AMMECR1: variants seen among roughly 807,000 people sequenced by gnomAD.
AMMECR1 encodes the protein AMMECR nuclear protein 1, also known as nuclear protein AMMECR1.
Under a neutral mutation model 22.5 loss-of-function variants are expected in AMMECR1, and 3 were observed. The ratio of observed to expected loss-of-function variants is 0.13; its 90% CI spans 0.06 to 0.35. AMMECR1 has a LOEUF of 0.35. Among genes scored for constraint, AMMECR1 ranks in the 10% least tolerant of loss-of-function variants. The pLI is 1.00. For missense variants in AMMECR1, 235 were observed against 278.7 expected (o/e 0.84, Z 1.12); for synonymous variants, 130 against 116.7 (o/e 1.11, Z -0.74).
chrX:110,367,290 G>A (rs955347522), intron 2 of AMMECR1, among the ~76,000 whole-genome samples: 1 of 111,781 alleles, frequency 8.9e-6, no homozygotes, highest in Non-Finnish European at 1.9e-5. Flanking sequence ...TCTGGAATGA[G>A]TTGTCTCTGC....
At chrX:110,332,130 A>G (rs1569408902) in intron 2 of AMMECR1, among the ~76,000 whole-genome samples, 2 of 111,445 alleles carry the variant, frequency 1.8e-5, no homozygotes, top group Non-Finnish European at 3.8e-5. Context: ...ACTACCATAT[A>G]ATGTTTCTTG....
intron 2 of AMMECR1, among the ~76,000 whole-genome samples, chrX:110,420,850 G>A (rs2068712224): frequency 9.0e-6 from 1 of 111,254 alleles, no homozygotes; most frequent in Non-Finnish European, 1.9e-5. Context: ...TGGCTCGGGA[G>A]GCAGGTTTCC....
intron 1 of AMMECR1, among the ~76,000 whole-genome samples, chrX:110,269,580 T>C (rs1022801562): frequency 9.0e-6 from 1 of 111,093 alleles, no homozygotes; most frequent in African/African-American, 3.3e-5. Flanking sequence ...TCTGTTCTTC[T>C]GCCATCAAAT....
At chrX:110,374,983 C>T in intron 2 of AMMECR1, among the ~76,000 whole-genome samples, 1 of 111,303 alleles carries the variant, frequency 9.0e-6, no homozygotes, top group Non-Finnish European at 1.9e-5. Context: ...CAATGAAAGG[C>T]TAACTAACCC....
At chrX:110,362,912 A>G (rs190286625) in intron 2 of AMMECR1, among the ~76,000 whole-genome samples, 16 of 112,145 alleles carry the variant, frequency 1.4e-4, no homozygotes, top group African/African-American at 4.5e-4. Context: ...CCTAAGTGAT[A>G]TATACTATCA....
intron 2 of AMMECR1, among the ~76,000 whole-genome samples, chrX:110,368,075 A>C (rs1251241975): frequency 9.4e-6 from 1 of 106,871 alleles, no homozygotes; most frequent in Non-Finnish European, 1.9e-5. Flanking sequence ...TTCTGGCCTA[A>C]AGTTATTTTC....
chrX:110,221,981 C>A (rs1268020184), intron 2 of AMMECR1, among the ~76,000 whole-genome samples: 1 of 109,554 alleles, frequency 9.1e-6, no homozygotes, highest in African/African-American at 3.3e-5. Flanking sequence ...AATAGGAACC[C>A]TTTTACACTG....
chrX:110,337,192 A>T (rs187100032), intron 2 of AMMECR1, among the ~76,000 whole-genome samples: 1 of 110,936 alleles, frequency 9.0e-6, no homozygotes, highest in African/African-American at 3.3e-5. Context: ...AGAGATGGGT[A>T]CTCTAGGACC....
intron 2 of AMMECR1, among the ~76,000 whole-genome samples, chrX:110,357,243 G>A (rs770226992): frequency 1.3e-4 from 15 of 112,170 alleles, no homozygotes; most frequent in African/African-American, 4.8e-4. Flanking sequence ...CCAAAGTAAC[G>A]TAGGTGTATC....
chrX:110,366,877 C>T (rs1407672648), intron 2 of AMMECR1, among the ~76,000 whole-genome samples: 1 of 112,160 alleles, frequency 8.9e-6, no homozygotes, highest in East Asian at 2.8e-4. Context: ...TCCATTCATT[C>T]TTGAATGCTC....
intron 2 of AMMECR1, among the ~76,000 whole-genome samples, chrX:110,396,202 C>G (rs1477479096): frequency 1.8e-5 from 2 of 110,166 alleles, no homozygotes; most frequent in Non-Finnish European, 3.8e-5. Context: ...TGGTCTGACT[C>G]TAAAATACAT....
At chrX:110,250,472 G>A (rs1350948180) in intron 2 of AMMECR1, among the ~76,000 whole-genome samples, 1 of 111,912 alleles carries the variant, frequency 8.9e-6, no homozygotes, top group Non-Finnish European at 1.9e-5. Flanking sequence ...GTATGGGTGG[G>A]TGGATGAGAC....
chrX:110,204,885 C>A (rs753736513), intron 3 of AMMECR1, among the ~76,000 whole-genome samples: 10 of 111,395 alleles, frequency 9.0e-5, no homozygotes, highest in East Asian at 2.8e-4. Flanking sequence ...AAGAAAAAAA[C>A]CCCAAATTCT....
At position 110,318,048 on chromosome X, in the gene AMMECR1, C is replaced by T. The variant is rs1214801036; in HGVS notation, c.24G>A (p.Val8=). ...GCGAACTGGACAGTTTCTGCTTCTT[C>T]ACCCCGCAGCAACCCGCCGCCATCT... MAAGCCG[V]KKQKLSSSPP... Residue 8 remains valine (V), a synonymous_variant, in exon 1 of 6, where the codon GTG becomes GTA. Transcript: ENST00000262844. 2 of 1,203,019 alleles carry T rather than the reference C, an allele frequency of 1.7e-6. No homozygotes were observed.
At chrX:110,292,726 G>A (rs1051554520) in intron 1 of AMMECR1, among the ~76,000 whole-genome samples, 2 of 112,065 alleles carry the variant, frequency 1.8e-5, no homozygotes, top group Non-Finnish European at 1.9e-5. Flanking sequence ...AGAGCACAGA[G>A]GATTTTTAGG....
At chrX:110,221,433 T>C (rs2067499334) in intron 2 of AMMECR1, among the ~76,000 whole-genome samples, 1 of 111,430 alleles carries the variant, frequency 9.0e-6, no homozygotes, top group Admixed American at 9.5e-5. Flanking sequence ...AATGTAAAAA[T>C]GTGCCTATTC....
In AMMECR1 at chrX:110,195,964, C is replaced by G. The variant is rs960853997; in HGVS notation, c.*2556G>C. 1.8e-5 allele frequency: 2 copies of G among 111,845 alleles called. No individual in the cohort carries two copies. The highest frequency in any genetic ancestry group is 7.5e-4 in the South Asian group (2 of 2,683). The allele number at this position is 111,845 out of a possible 1,213,427, so 9.2% of individuals were successfully genotyped here. On this transcript the variant is annotated 3_prime_UTR_variant, in exon 6 of 6. Coordinates refer to ENST00000262844, the MANE Select transcript of AMMECR1 (RefSeq NM_015365.3). ...AAAGGAGACAAAACTATCCTTTTCC[C>G]CCAAGCCATGTTGGGAAATATTGCT...
intron 2 of AMMECR1, among the ~76,000 whole-genome samples, chrX:110,404,723 C>A (rs1439291801): frequency 1.8e-5 from 2 of 111,424 alleles, no homozygotes; most frequent in Non-Finnish European, 1.9e-5. Flanking sequence ...CTGACCACTT[C>A]CCATTAAATT....
At chrX:110,303,558 C>A (rs2067979378) in intron 1 of AMMECR1, among the ~76,000 whole-genome samples, 1 of 112,110 alleles carries the variant, frequency 8.9e-6, no homozygotes, top group Admixed American at 9.4e-5. Flanking sequence ...ATTTGGCCTC[C>A]TATCCCATTA....
Sources: allele counts gnomAD v4.1 joint callset (sites outside exome capture counted in the v4.1 genomes callset), GRCh38; gene constraint gnomAD v4.1.1; transcripts MANE v1.5; gene names NCBI Gene and HGNC (gene_info 2026-07-23, HGNC 2026-07-21).